UST: variants seen among roughly 807,000 people sequenced by gnomAD.
The protein encoded by UST is chondroitin sulfate 2-O-sulfotransferase.
A neutral mutation model predicts 45.6 loss-of-function variants in UST; 21 were observed. The observed-to-expected ratio is 0.46, with a 90% CI of 0.33 to 0.66. The LOEUF is 0.66. UST is among the 30% of genes least tolerant of loss of function. The probability of loss-of-function intolerance (pLI) is 0.02; values close to 1 mark genes in which losing one functional copy is unlikely to be tolerated. For missense variants in UST, 463 were observed against 512.4 expected (o/e 0.90, Z 0.93); for synonymous variants, 215 against 200.6 (o/e 1.07, Z -0.61).
At chr6:148,821,955 C>T (rs908239869) in intron 1 of UST, among the ~76,000 whole-genome samples, 1 of 152,186 alleles carries the variant, frequency 6.6e-6, no homozygotes, top group African/African-American at 2.4e-5. Flanking sequence ...TGTGTTCTTT[C>T]TACATGTCCC....
intron 4 of UST, among the ~76,000 whole-genome samples, chr6:148,964,195 A>G (rs564032804): frequency 2.0e-5 from 3 of 152,334 alleles, no homozygotes; most frequent in Admixed American, 1.3e-4. Flanking sequence ...CAGCCCCTCA[A>G]CAGGTACCTG....
intron 1 of UST, among the ~76,000 whole-genome samples, chr6:148,830,705 G>A (rs1777667182): frequency 6.6e-6 from 1 of 152,182 alleles, no homozygotes; most frequent in African/African-American, 2.4e-5. Context: ...GGAGCAAGAT[G>A]CAAAAAGACA....
At position 149,074,343 on chromosome 6, in the gene UST, G is replaced by T; in HGVS notation, c.*227G>T. On this transcript the variant is annotated 3_prime_UTR_variant, in exon 8 of 8. Transcript: ENST00000367463. ...TGGGTCTTTCCCGGGTACACTAGAT[G>T]GCTCCATCCCAAGGCATCTTGTCAT... 1.8e-6 allele frequency: 1 copy of T among 550,182 alleles called. No homozygotes were observed. The highest frequency in any genetic ancestry group is 3.2e-6 in the Non-Finnish European group (1 of 312,726). The allele number at this position is 550,182 out of a possible 1,614,324, so 34.1% of individuals were successfully genotyped here. A position where few individuals can be genotyped will look rare whatever the true frequency, so the allele number is the denominator to read the frequency against.
intron 1 of UST, among the ~76,000 whole-genome samples, chr6:148,749,808 T>C (rs1478618549): frequency 6.6e-6 from 1 of 152,234 alleles, no homozygotes; most frequent in Non-Finnish European, 1.5e-5. Context: ...AAAGATTGAA[T>C]GCTGCTCCTG....
At position 148,855,702 on chromosome 6, in the gene UST, C is replaced by T. The variant is rs553135971; in HGVS notation, c.248-31284C>T. Among the ~76,000 whole-genome samples the T allele has an allele frequency of 1.2e-4, 18 of 152,228 alleles. No homozygotes were observed. The East Asian group carries it at 3.3e-3, about 28-fold the overall frequency. ...CAGGTAGAAATCTGCATTTTTTCAC[C>T]TGAGTTTTGCTCACTAATGTTCATA... On this transcript the variant is annotated intron_variant, in intron 1 of 7. Transcript: ENST00000367463.
At chr6:149,026,614 A>T (rs12191733) in intron 7 of UST, among the ~76,000 whole-genome samples, 28,510 of 152,200 alleles carry the variant, frequency 0.19, 2,759 homozygotes, top group Non-Finnish European at 0.21. Flanking sequence ...AGGAACAGTC[A>T]TATGAGCATC....
chr6:148,977,809 C>T (rs971829620), intron 5 of UST, among the ~76,000 whole-genome samples: 1 of 151,614 alleles, frequency 6.6e-6, no homozygotes, highest in African/African-American at 2.4e-5. Context: ...CCGCTACCCC[C>T]ACCCCACATT....
At chr6:149,057,960 T>C (rs1000806483) in intron 7 of UST, among the ~76,000 whole-genome samples, 2 of 152,254 alleles carry the variant, frequency 1.3e-5, no homozygotes, top group Admixed American at 6.5e-5. Context: ...TATAGGTAAG[T>C]ATATACATAT....
At chr6:148,988,597 A>G (rs1279606049) in intron 5 of UST, among the ~76,000 whole-genome samples, 3 of 151,092 alleles carry the variant, frequency 2.0e-5, no homozygotes, top group African/African-American at 4.9e-5. Context: ...AAAAAAAGCA[A>G]AAAACAACAA....
intron 5 of UST, among the ~76,000 whole-genome samples, chr6:148,965,471 A>G (rs1208269816): frequency 6.6e-6 from 1 of 152,180 alleles, no homozygotes; most frequent in East Asian, 1.9e-4. Flanking sequence ...TGTTGTTCCC[A>G]AAGCTGGAAG....
chr6:148,877,739 CAGGGGGTCGTGTATGAGTGT>C (rs1778714051), intron 1 of UST, among the ~76,000 whole-genome samples: 1 of 45,538 alleles, frequency 2.2e-5, no homozygotes, highest in Non-Finnish European at 3.8e-5. Flanking sequence ...TGTATGAGTG[CAGGGGGTCGTGTATGAGTGT>C]GAGGGGTCAT....
At chr6:149,019,079 G>T (rs1156423234) in intron 5 of UST, 60 bp from the exon 6 acceptor site, 2 of 1,216,906 alleles carry the variant, frequency 1.6e-6, no homozygotes, top group African/African-American at 1.5e-5. Context: ...AAACTGTGTG[G>T]CATTTGATAG....
At chr6:148,831,274 A>G (rs56245546) in intron 1 of UST, among the ~76,000 whole-genome samples, 11,261 of 152,280 alleles carry the variant, frequency 0.074, 486 homozygotes, top group Non-Finnish European at 0.11. Context: ...TTTGCAGATG[A>G]AAAAATTCAG....
intron 1 of UST, among the ~76,000 whole-genome samples, chr6:148,756,043 T>G (rs544170439): frequency 2.7e-3 from 389 of 141,720 alleles, no homozygotes; most frequent in African/African-American, 9.8e-3. Context: ...TGTGTGATGT[T>G]CCCCTTCCTG....
intron 1 of UST, among the ~76,000 whole-genome samples, chr6:148,819,859 T>C (rs566022906): frequency 1.3e-5 from 2 of 152,304 alleles, no homozygotes; most frequent in South Asian, 2.1e-4. Context: ...AGAGTAGCCT[T>C]ATTATCTACA....
At chr6:148,928,325 T>C (rs1779857299) in intron 2 of UST, among the ~76,000 whole-genome samples, 1 of 152,232 alleles carries the variant, frequency 6.6e-6, no homozygotes, top group South Asian at 2.1e-4. Context: ...AAGTCAGAAG[T>C]TTTATATCCA....
chr6:148,957,227 C>T (rs888526511), intron 4 of UST, among the ~76,000 whole-genome samples: 3 of 152,208 alleles, frequency 2.0e-5, no homozygotes, highest in African/African-American at 7.2e-5. Flanking sequence ...ATACCAGGGC[C>T]TGGGCCCTTA....
At chr6:149,009,631 C>T (rs1474203825) in intron 5 of UST, among the ~76,000 whole-genome samples, 1 of 151,828 alleles carries the variant, frequency 6.6e-6, no homozygotes, top group Non-Finnish European at 1.5e-5. Flanking sequence ...TTATTAGCAA[C>T]AAATTCCTTG....
At chr6:148,844,569 C>T (rs1360562642) in intron 1 of UST, among the ~76,000 whole-genome samples, 1 of 152,182 alleles carries the variant, frequency 6.6e-6, no homozygotes, top group East Asian at 1.9e-4. Context: ...CTGTCTGCTC[C>T]AGCCACTCAG....
Sources: gnomAD v4.1 joint callset for allele counts (sites outside exome capture counted in the v4.1 genomes callset) on GRCh38, gnomAD v4.1.1 for gene constraint, MANE v1.5 for transcripts, NCBI Gene and HGNC (gene_info 2026-07-23, HGNC 2026-07-21) for gene names.